Variants in ZFHX3 observed in about 807,000 individuals in gnomAD.
The protein encoded by ZFHX3 is zinc finger homeobox 3, also known as zinc finger homeobox protein 3.
Under a neutral mutation model 279.1 loss-of-function variants are expected in ZFHX3, and 42 were observed. That is an observed-to-expected ratio of 0.15 (90% CI 0.12 to 0.19). The LOEUF is 0.19. ZFHX3 is among the 10% of genes least tolerant of loss of function. The probability of loss-of-function intolerance (pLI) is 1.00; values close to 1 mark genes in which losing one functional copy is unlikely to be tolerated. For synonymous variants in ZFHX3, 2,293 were observed against 1,957.8 expected (o/e 1.17, Z -4.52); for missense variants, 4,981 against 4,754.0 (o/e 1.05, Z -1.40).
At chr16:73,834,953 A>G (rs1356182024) in intron 1 of ZFHX3, among the ~76,000 whole-genome samples, 2 of 152,192 alleles carry the variant, frequency 1.3e-5, no homozygotes, top group Non-Finnish European at 2.9e-5. Context: ...CAGTGCACAA[A>G]TGTGACCTAG....
intron 4 of ZFHX3, among the ~76,000 whole-genome samples, chr16:72,886,263 G>C (rs1284969625): frequency 6.6e-6 from 1 of 152,146 alleles, no homozygotes; most frequent in Non-Finnish European, 1.5e-5. Flanking sequence ...GGGAGGGGAG[G>C]AGTATGGTGT....
intron 3 of ZFHX3, among the ~76,000 whole-genome samples, chr16:73,403,681 G>C (rs1414013853): frequency 6.6e-6 from 1 of 152,190 alleles, no homozygotes; most frequent in Non-Finnish European, 1.5e-5. Context: ...GGGCTGGAGG[G>C]AGCTGAGCAC....
chr16:73,041,791 GA>G (rs1485676546), intron 1 of ZFHX3, among the ~76,000 whole-genome samples: 2 of 152,220 alleles, frequency 1.3e-5, no homozygotes, highest in Non-Finnish European at 2.9e-5. Flanking sequence ...AAGGGAAGCA[GA>G]AACCATTCCT....
intron 1 of ZFHX3, among the ~76,000 whole-genome samples, chr16:73,793,483 T>C (rs117494008): frequency 0.015 from 2,223 of 152,312 alleles, 31 homozygotes; most frequent in Non-Finnish European, 0.026. Flanking sequence ...AGCCAACATA[T>C]CTCCAACGAA....
At chr16:73,628,477 A>C (rs185964916) in intron 2 of ZFHX3, among the ~76,000 whole-genome samples, 1 of 152,328 alleles carries the variant, frequency 6.6e-6, no homozygotes, top group African/African-American at 2.4e-5. Flanking sequence ...AGAGTCCAGC[A>C]GGAAGGTAAG....
intron 5 of ZFHX3, among the ~76,000 whole-genome samples, chr16:73,171,630 A>C (rs1203730921): frequency 1.3e-5 from 2 of 152,094 alleles, no homozygotes; most frequent in African/African-American, 4.8e-5. Flanking sequence ...GTGTTTACTG[A>C]TTCCTAACTG....
intron 1 of ZFHX3, among the ~76,000 whole-genome samples, chr16:73,781,296 C>T (rs188142410): frequency 1.3e-5 from 2 of 152,296 alleles, no homozygotes; most frequent in South Asian, 2.1e-4. Flanking sequence ...TAAGGCTCTA[C>T]CCCCAAAGAT....
intron 5 of ZFHX3, among the ~76,000 whole-genome samples, chr16:73,193,829 G>A (rs11640460): frequency 0.92 from 140,328 of 152,258 alleles, 65,131 homozygotes; most frequent in Middle Eastern, 0.98. Flanking sequence ...GGGGATAATA[G>A]GAATTCCCAT....
intron 1 of ZFHX3, among the ~76,000 whole-genome samples, chr16:73,006,889 G>T (rs545103811): frequency 6.6e-6 from 1 of 152,220 alleles, no homozygotes; most frequent in Admixed American, 6.5e-5. Context: ...CAATGTAAAT[G>T]CTATATAAAT....
At chr16:73,294,905 G>A (rs1386277845) in intron 4 of ZFHX3, among the ~76,000 whole-genome samples, 1 of 151,688 alleles carries the variant, frequency 6.6e-6, no homozygotes, top group African/African-American at 2.4e-5. Context: ...TTCATGGACG[G>A]ATATTAGTCT....
In ZFHX3 at chr16:72,788,961, G is replaced by A. The variant is rs1027161670; in HGVS notation, c.9428-113C>T. 6.3e-6 allele frequency: 9 copies of A among 1,435,226 alleles called. No individual in the cohort carries two copies. In the Admixed American group the frequency reaches 2.3e-4, roughly 37 times the overall value. The allele number at this position is 1,435,226 out of a possible 1,614,324, so 88.9% of individuals were successfully genotyped here. Reference sequence around the variant, plus strand: ...CAGTTTGAGATGTCAAGGCTTGAAGGATCCTCTCAAAACGAACATTTCCAA... The same window carrying A: ...CAGTTTGAGATGTCAAGGCTTGAAGAATCCTCTCAAAACGAACATTTCCAA... On this transcript the variant is annotated intron_variant, in intron 9 of 9. Coordinates refer to ENST00000268489, the MANE Select transcript of ZFHX3 (RefSeq NM_006885.4).
chr16:73,631,087 G>A (rs1283231431), intron 2 of ZFHX3, among the ~76,000 whole-genome samples: 1 of 152,180 alleles, frequency 6.6e-6, no homozygotes, highest in Non-Finnish European at 1.5e-5. Context: ...CCTGAGATGG[G>A]TGAAATGGGC....
chr16:73,733,497 C>A (rs1482182600), intron 1 of ZFHX3, among the ~76,000 whole-genome samples: 1 of 152,042 alleles, frequency 6.6e-6, no homozygotes. Context: ...GAAGTACAAA[C>A]AATTTGTGAC....
At chr16:73,196,864 G>T (rs1801428076) in intron 5 of ZFHX3, among the ~76,000 whole-genome samples, 3 of 152,136 alleles carry the variant, frequency 2.0e-5, no homozygotes, top group African/African-American at 7.2e-5. Flanking sequence ...GGCACTAAGT[G>T]GCATTCCTTG....
chr16:72,942,504 AT>A (rs1488889137), intron 3 of ZFHX3, among the ~76,000 whole-genome samples: 2 of 151,946 alleles, frequency 1.3e-5, no homozygotes, highest in African/African-American at 4.8e-5. Context: ...AATCGGGGGG[AT>A]TCGTAAATAT....
intron 2 of ZFHX3, among the ~76,000 whole-genome samples, chr16:73,605,215 G>C (rs560361796): frequency 4.6e-5 from 7 of 152,192 alleles, no homozygotes; most frequent in Non-Finnish European, 8.8e-5. Flanking sequence ...TAGCAACACT[G>C]TCTCCTCTGG....
intron 4 of ZFHX3, among the ~76,000 whole-genome samples, chr16:72,867,885 T>C (rs949625796): frequency 6.6e-6 from 1 of 152,192 alleles, no homozygotes; most frequent in Non-Finnish European, 1.5e-5. Flanking sequence ...AGGGTGTTTG[T>C]GGAGGCCAAA....
chr16:72,889,347 C>G (rs962437718), intron 4 of ZFHX3, among the ~76,000 whole-genome samples: 1 of 151,940 alleles, frequency 6.6e-6, no homozygotes, highest in East Asian at 1.9e-4. Flanking sequence ...CAATTTGAAC[C>G]AATAAATTGA....
intron 4 of ZFHX3, among the ~76,000 whole-genome samples, chr16:73,287,354 G>A (rs1395283543): frequency 5.7e-5 from 8 of 141,568 alleles, no homozygotes; most frequent in Admixed American, 3.5e-4. Flanking sequence ...GTGTGGCTGT[G>A]TGGGTCGGTG....
Sources: gnomAD v4.1 joint callset for allele counts (sites outside exome capture counted in the v4.1 genomes callset) on GRCh38, gnomAD v4.1.1 for gene constraint, MANE v1.5 for transcripts, NCBI Gene and HGNC (gene_info 2026-07-23, HGNC 2026-07-21) for gene names.